PALMD: variants seen among roughly 807,000 people sequenced by gnomAD.
The protein encoded by PALMD is palmdelphin.
In PALMD, 42 loss-of-function variants were observed where a neutral mutation model predicts 56.2. That is an observed-to-expected ratio of 0.75 (90% confidence interval 0.58 to 0.97). PALMD has a LOEUF of 0.97. PALMD is among the 50% of genes least tolerant of loss of function. The pLI, the probability that PALMD is intolerant of heterozygous loss-of-function variation, is 0.00. For missense variants in PALMD, 660 were observed against 643.8 expected, an observed-to-expected ratio of 1.03 and a Z score of -0.27; for synonymous variants, 242 against 222.9, an observed-to-expected ratio of 1.09 and a Z score of -0.76.
At chr1:99,672,980 G>GT (rs1653119782) in intron 3 of PALMD, among the ~76,000 whole-genome samples, 1 of 152,140 alleles carries the variant, frequency 6.6e-6, no homozygotes, top group Non-Finnish European at 1.5e-5. Flanking sequence ...AAAGGTGTAT[G>GT]TGAAGCCTTG....
rs745749594 is a variant in PALMD at position 99,646,289 on chromosome 1, T to TCC, written c.-26_-25dup. ...GATTTATGGTAGCTTTGGACTTGCT[T>TCC]CCCCGTCTGACTGTCCTTGACTTCT... On this transcript the variant is annotated 5_prime_UTR_variant, in exon 1 of 8. The change creates a premature stop within an existing upstream ORF in the 5' untranslated region. Coordinates refer to ENST00000263174, the MANE Select transcript of PALMD (RefSeq NM_017734.5). The TCC allele has an allele frequency of 1.1e-5, 17 of 1,605,956 alleles. No individual in the cohort carries two copies. In the South Asian group the frequency reaches 1.8e-4, roughly 17 times the overall value.
At chr1:99,681,509 C>T (rs1320226567) in intron 3 of PALMD, among the ~76,000 whole-genome samples, 3 of 151,146 alleles carry the variant, frequency 2.0e-5, no homozygotes, top group East Asian at 3.9e-4. Flanking sequence ...GATACACAAA[C>T]GTATATGTAT....
At chr1:99,656,315 T>C (rs887117977) in intron 1 of PALMD, among the ~76,000 whole-genome samples, 2 of 152,218 alleles carry the variant, frequency 1.3e-5, no homozygotes, top group East Asian at 1.9e-4. Flanking sequence ...TGAAATCTGG[T>C]AAACTTCTAA....
chr1:99,653,354 T>C (rs933133919), intron 1 of PALMD, among the ~76,000 whole-genome samples: 13 of 152,180 alleles, frequency 8.5e-5, no homozygotes, highest in Admixed American at 4.6e-4. Flanking sequence ...TTGTTTAGCC[T>C]GGTTTGGTTT....
intron 1 of PALMD, among the ~76,000 whole-genome samples, chr1:99,648,309 T>A (rs775843662): frequency 1.6e-4 from 24 of 152,182 alleles, no homozygotes; most frequent in Middle Eastern, 3.4e-3. Flanking sequence ...CAGTGGTGTG[T>A]CCATGGAAAC....
Position 99,686,697 on chromosome 1 carries a change from T to A in PALMD, c.273T>A (p.Asp91Glu). Residue 91 changes from aspartate to glutamate, a missense_variant, in exon 4 of 8, where the codon GAT becomes GAA. Physicochemically the swap from Asp to Glu is conservative, Grantham distance 45. Coordinates refer to ENST00000263174, the MANE Select transcript of PALMD (RefSeq NM_017734.5). ...TCAGGCTTGAGAAAGAGATCCAAGA[T>A]CTTGAAAAAGCTGAACTGCAAATCT... ...SILRLEKEIQDLEKAELQIST... is the reference protein window; with the variant it reads ...SILRLEKEIQELEKAELQIST... 1 of 1,598,384 alleles carries A rather than the reference T, an allele frequency of 6.3e-7. No individual in the cohort carries two copies. The highest frequency in any genetic ancestry group is 1.1e-5 in the South Asian group (1 of 89,766).
intron 3 of PALMD, among the ~76,000 whole-genome samples, chr1:99,681,541 G>A (rs1426144726): frequency 6.6e-6 from 1 of 152,022 alleles, no homozygotes; most frequent in African/African-American, 2.4e-5. Flanking sequence ...AAGGAATAAT[G>A]AGGAAAAAAA....
At chr1:99,660,816 G>A (rs1384176556) in intron 1 of PALMD, among the ~76,000 whole-genome samples, 1 of 152,156 alleles carries the variant, frequency 6.6e-6, no homozygotes, top group Admixed American at 6.5e-5. Flanking sequence ...AGCCCAGGAT[G>A]TCAAGGCTAC....
chr1:99,654,298 TA>T (rs1652662832), intron 1 of PALMD, among the ~76,000 whole-genome samples: 1 of 152,054 alleles, frequency 6.6e-6, no homozygotes, highest in African/African-American at 2.4e-5. Context: ...TCAGAAAATA[TA>T]ATGTGAAAAT....
chr1:99,667,236 A>G (rs536990555), intron 2 of PALMD, among the ~76,000 whole-genome samples: 1 of 152,296 alleles, frequency 6.6e-6, no homozygotes, highest in East Asian at 1.9e-4. Flanking sequence ...TTTGTTTAGG[A>G]CACAAGATAT....
At chr1:99,646,912 A>G (rs1278569523) in intron 1 of PALMD, among the ~76,000 whole-genome samples, 1 of 152,250 alleles carries the variant, frequency 6.6e-6, no homozygotes, top group Non-Finnish European at 1.5e-5. Flanking sequence ...ACTAGGTAAA[A>G]GCACGTATCA....
At chr1:99,693,872 C>T (rs746892469) in intron 7 of PALMD, 147 bp from the exon 8 acceptor site, 30 of 631,068 alleles carry the variant, frequency 4.8e-5, no homozygotes, top group African/African-American at 7.5e-5. Context: ...TTTCTACTAT[C>T]TTTTTGTGCT....
intron 3 of PALMD, among the ~76,000 whole-genome samples, chr1:99,675,791 T>G (rs1571069438): frequency 6.6e-6 from 1 of 152,350 alleles, no homozygotes; most frequent in Non-Finnish European, 1.5e-5. Context: ...AAACCCTCAA[T>G]TTGCAAAATA....
At chr1:99,687,306 A>T (rs557187131) in intron 6 of PALMD, 117 bp downstream of exon 6, 1 of 1,181,062 alleles carries the variant, frequency 8.5e-7, no homozygotes, top group Non-Finnish European at 1.2e-6. Context: ...TTCACTTTAC[A>T]AAGTTCTGTG....
At chr1:99,655,126 A>T (rs898297119) in intron 1 of PALMD, among the ~76,000 whole-genome samples, 1 of 152,156 alleles carries the variant, frequency 6.6e-6, no homozygotes, top group Non-Finnish European at 1.5e-5. Context: ...TAAAAGTTTC[A>T]TACTAAGTCA....
intron 3 of PALMD, chr1:99,669,166 A>T (rs1254686497): frequency 6.6e-6 from 1 of 152,216 alleles, no homozygotes; most frequent in African/African-American, 2.4e-5. Flanking sequence ...AATGATTTCC[A>T]TTTTACTTGA....
intron 7 of PALMD, among the ~76,000 whole-genome samples, chr1:99,690,931 C>A (rs1432121027): frequency 6.6e-6 from 1 of 152,092 alleles, no homozygotes; most frequent in Non-Finnish European, 1.5e-5. Context: ...CCTCTACAAC[C>A]CATAAGCCCA....
At chr1:99,665,592 T>C (rs1162691779) in intron 2 of PALMD, among the ~76,000 whole-genome samples, 1 of 152,138 alleles carries the variant, frequency 6.6e-6, no homozygotes, top group Non-Finnish European at 1.5e-5. Context: ...GTTAACCTAA[T>C]CACATCACAA....
chr1:99,672,859 T>A (rs1281415355), intron 3 of PALMD, among the ~76,000 whole-genome samples: 1 of 151,466 alleles, frequency 6.6e-6, no homozygotes, highest in African/African-American at 2.4e-5. Flanking sequence ...TAGCACGGAT[T>A]TTTTTTTTAA....
Sources: gnomAD v4.1 joint callset for allele counts (sites outside exome capture counted in the v4.1 genomes callset) on GRCh38, gnomAD v4.1.1 for gene constraint, MANE v1.5 for transcripts, NCBI Gene and HGNC (gene_info 2026-07-23, HGNC 2026-07-21) for gene names.